RAD51AP2: variants seen among roughly 807,000 people sequenced by gnomAD.
The protein encoded by RAD51AP2 is RAD51-associated protein 2.
A neutral mutation model predicts 85.5 loss-of-function variants in RAD51AP2; 67 were observed. That is an observed-to-expected ratio of 0.78 (90% CI 0.64 to 0.96). RAD51AP2 has a LOEUF of 0.96. Ranked by LOEUF, RAD51AP2 falls within the 40% of genes least tolerant of loss-of-function variation. RAD51AP2 has a pLI of 0.00. For synonymous variants in RAD51AP2, 474 were observed against 446.5 expected, an observed-to-expected ratio of 1.06 and a Z score of -0.78; for missense variants, 1,307 against 1,332.4, an observed-to-expected ratio of 0.98 and a Z score of 0.30.
At chr2:17,528,024 T>C in the RAD51AP2 span, among the ~76,000 whole-genome samples, 1 of 152,234 alleles carries the variant, frequency 6.6e-6, no homozygotes, top group Admixed American at 6.5e-5. Flanking sequence ...TTATACTCTG[T>C]TCTACTTATA....
At chr2:17,511,354 T>C (rs916767698) in intron 2 of RAD51AP2, among the ~76,000 whole-genome samples, 43 of 152,192 alleles carry the variant, frequency 2.8e-4, no homozygotes, top group Non-Finnish European at 6.0e-4. Context: ...GTTTGGTTTC[T>C]AATGGAGGTT....
chr2:17,516,438 CA>C lies in RAD51AP2; in HGVS notation c.1977del (p.Phe659LeufsTer14). On this transcript the variant is annotated frameshift_variant, in exon 1 of 3. Transcript: ENST00000399080. LOFTEE classifies it high-confidence loss of function. The stretch of plus-strand genomic sequence containing the variant: ...TTAATGAGTTTTTTCTTAGACTTTT[CA>C]AAAACTTGTTCAGTTCTAAATAACT... ...KRKLFRTEQV[F>X]EKSKKKLINS... is the part of the protein sequence containing the mutation. 6.3e-7 allele frequency: 1 copy of C among 1,585,460 alleles called. No homozygotes were observed. The highest frequency in any genetic ancestry group is 8.6e-7 in the Non-Finnish European group (1 of 1,166,224).
At chr2:17,532,831 T>G in the RAD51AP2 span, among the ~76,000 whole-genome samples, 1 of 152,252 alleles carries the variant, frequency 6.6e-6, no homozygotes, top group Non-Finnish European at 1.5e-5. Context: ...TTAGCCAGCA[T>G]GCATATATTT....
the RAD51AP2 span, among the ~76,000 whole-genome samples, chr2:17,529,839 A>G: frequency 1.3e-5 from 2 of 152,330 alleles, no homozygotes; most frequent in South Asian, 4.1e-4. Context: ...CTTCCTGTGG[A>G]ATTCCATTGT....
chr2:17,511,019 T>G, intron 2 of RAD51AP2, 64 bp from the exon 3 acceptor site: 1 of 1,160,742 alleles, frequency 8.6e-7, no homozygotes, highest in Non-Finnish European at 1.2e-6. Flanking sequence ...AATCTTTACT[T>G]CTAATCATGA....
At chr2:17,521,798 G>C (rs1010270255), upstream of RAD51AP2, among the ~76,000 whole-genome samples, 3 of 151,902 alleles carry the variant, frequency 2.0e-5, no homozygotes, top group Non-Finnish European at 4.4e-5. Context: ...TGTCCTCAAT[G>C]TTCATTAATG....
At position 17,515,906 on chromosome 2, in the gene RAD51AP2, A is replaced by C. The variant is rs919411835; in HGVS notation, c.2510T>G (p.Val837Gly). Residue 837 changes from valine (V) to glycine (G), a missense_variant, in exon 1 of 3, where the codon GTA (valine) becomes GGA (glycine). Coordinates refer to ENST00000399080, the MANE Select transcript of RAD51AP2 (RefSeq NM_001099218.3). ...TGTTAAACTTTCAGCTGTGACTTTT[A>C]CTTCCTCTTTCAAAATTAAGTCATA... is the stretch of plus-strand genomic sequence containing the variant. ...KKYDLILKEEVKVTAESLTNS... is the reference protein window; with the variant it reads ...KKYDLILKEEGKVTAESLTNS... 6.2e-7 allele frequency: 1 copy of C among 1,603,898 alleles called. No homozygotes were observed. Among genetic ancestry groups the C allele is most frequent in the Admixed American group, 1.7e-5 (1 of 57,600 alleles).
At chr2:17,513,588 T>C (rs534675679) in intron 2 of RAD51AP2, among the ~76,000 whole-genome samples, 3 of 152,162 alleles carry the variant, frequency 2.0e-5, no homozygotes, top group African/African-American at 7.2e-5. Flanking sequence ...AAAAATCATG[T>C]TGACATGACT....
At chr2:17,522,911 A>G (rs1251459438), upstream of RAD51AP2, among the ~76,000 whole-genome samples, 3 of 152,010 alleles carry the variant, frequency 2.0e-5, no homozygotes, top group African/African-American at 7.2e-5. Context: ...ATATATTGAC[A>G]TTAAATAAAA....
the RAD51AP2 span, among the ~76,000 whole-genome samples, chr2:17,523,480 T>A: frequency 4.8e-3 from 733 of 152,036 alleles, 6 homozygotes; most frequent in African/African-American, 0.017. Flanking sequence ...CATCAAACTC[T>A]GTCTTATGTT....
Position 17,516,549 on chromosome 2 carries a change from C to A in RAD51AP2, c.1867G>T (p.Glu623Ter). The change falls in exon 1 of 3, where the codon GAA (glutamate) becomes TAA (stop). Residue 623 changes from glutamate to a stop codon, truncating the protein, a stop_gained. Transcript: ENST00000399080. LOFTEE classifies it high-confidence loss of function. ...TTTACTAGATATGCAGTATGATTTTCCACTATATTTTTTGGATACTTCAAA... is the reference window on the plus strand; with the variant it reads ...TTTACTAGATATGCAGTATGATTTTACACTATATTTTTTGGATACTTCAAA... Reference protein sequence around the residue: ...LYLKYPKNIVENHTAYLVKIL... With the variant: ...LYLKYPKNIV The A allele has an allele frequency of 6.4e-7, 1 of 1,571,222 alleles. No individual in the cohort carries two copies. The highest frequency in any genetic ancestry group is 1.2e-5 in the South Asian group (1 of 86,288).
Position 17,515,652 on chromosome 2 carries a change from C to A in RAD51AP2, c.2764G>T (p.Asp922Tyr), listed in dbSNP as rs1662635782. 3.7e-6 allele frequency: 6 copies of A among 1,612,644 alleles called. No individual in the cohort carries two copies. In the South Asian group the frequency reaches 6.6e-5, roughly 18 times the overall value. ...TGATGATTAATATATAATGCAGAGTCATTCTTTCTGTGAAAATCCTTTGAA... is the reference window on the plus strand; with the variant it reads ...TGATGATTAATATATAATGCAGAGTAATTCTTTCTGTGAAAATCCTTTGAA... ...ANSKDFHRKN[D>Y]SALYINHQFE... Residue 922 changes from aspartate (D) to tyrosine (Y), a missense_variant, in exon 1 of 3, where the codon GAC (aspartate) becomes TAC (tyrosine). Physicochemically the swap from Asp to Tyr is radical, Grantham distance 160 (BLOSUM62 -3). Transcript: ENST00000399080.
At chr2:17,534,722 C>T in the RAD51AP2 span, among the ~76,000 whole-genome samples, 10 of 152,244 alleles carry the variant, frequency 6.6e-5, no homozygotes, top group South Asian at 1.9e-3. Flanking sequence ...TAGTTCTACA[C>T]TTGTAATTTA....
At position 17,510,727 on chromosome 2, in the gene RAD51AP2, C is replaced by A. The variant is rs1338839605; in HGVS notation, c.*77G>T. 4.9e-6 allele frequency: 5 copies of A among 1,015,880 alleles called. No homozygotes were observed. The highest frequency in any genetic ancestry group is 2.4e-4 in the Middle Eastern group (1 of 4,196). The allele number at this position is 1,015,880 out of a possible 1,614,324, so 62.9% of individuals were successfully genotyped here. On this transcript the variant is annotated 3_prime_UTR_variant, in exon 3 of 3. Transcript: ENST00000399080. ...ACTTTATAATAAAGCAAGCCCCAAACCCCCAAGCTGGAAGAACATATATCC... is the reference window on the plus strand; with the variant it reads ...ACTTTATAATAAAGCAAGCCCCAAAACCCCAAGCTGGAAGAACATATATCC...
At chr2:17,520,804 T>C (rs556271568), upstream of RAD51AP2, among the ~76,000 whole-genome samples, 149 of 151,920 alleles carry the variant, frequency 9.8e-4, 1 homozygote, top group Non-Finnish European at 5.3e-4. Context: ...CACCAGAATG[T>C]TTATTTTCTT....
At position 17,518,359 on chromosome 2, in the gene RAD51AP2, A is replaced by G. The variant is rs900053420; in HGVS notation, c.57T>C (p.Ser19=). 3.7e-6 allele frequency: 6 copies of G among 1,614,004 alleles called. No individual in the cohort carries two copies. Among genetic ancestry groups the G allele is most frequent in the South Asian group, 1.1e-5 (1 of 91,068 alleles). Residue 19 remains serine (S), a synonymous_variant, in exon 1 of 3, where the codon TCT becomes TCC. Transcript: ENST00000399080. The stretch of plus-strand genomic sequence containing the variant: ...AATCCGGGTCCTCAGGAGGCGTTAA[A>G]GAGGAGGTAGGCTTTCTGAGCTCGG... The part of the protein sequence containing the change: ...RMAELRKPTS[S]LTPPEDPDSQ...
Position 17,517,365 on chromosome 2 carries a change from A to G in RAD51AP2, c.1051T>C (p.Cys351Arg). 2 of 1,613,844 alleles carry G rather than the reference A, an allele frequency of 1.2e-6. No homozygotes were observed. Among genetic ancestry groups the G allele is most frequent in the Non-Finnish European group, 1.7e-6 (2 of 1,179,926 alleles). ...KRKDLISSNY[C>R]NCSSIQCNVR... ...TTACACTGGATACTACTGCAGTTAC[A>G]GTAGTTTGAACTGATCAAGTCTTTT... The change falls in exon 1 of 3, where the codon TGT (cysteine) becomes CGT (arginine). Residue 351 changes from cysteine (C) to arginine (R), a missense_variant. Physicochemically the swap from Cys to Arg is radical, Grantham distance 180. Coordinates refer to ENST00000399080, the MANE Select transcript of RAD51AP2 (RefSeq NM_001099218.3).
Position 17,516,116 on chromosome 2 carries a change from C to A in RAD51AP2, c.2300G>T (p.Arg767Ile). Residue 767 changes from arginine to isoleucine, a missense_variant, in exon 1 of 3, where the codon AGA (arginine) becomes ATA (isoleucine). This residue lies in a region of RAD51AP2 where 668 missense variants were observed against 671.0 expected (regional missense o/e 1.00). Coordinates refer to ENST00000399080, the MANE Select transcript of RAD51AP2 (RefSeq NM_001099218.3). ...ACTGATCTTATTATGTCCCTGTTTT[C>A]TTTCCATATTTAAATCTTGGCTGTG... ...NMHSQDLNME[R>I]KQGHNKISNF... is the part of the protein sequence containing the mutation. 6.2e-7 allele frequency: 1 copy of A among 1,612,214 alleles called. No homozygotes were observed.
rs867404836 is a variant in RAD51AP2 at position 17,515,322 on chromosome 2, G to A, written c.3094C>T (p.His1032Tyr). ...VNKIRASSSF[H>Y]DTIAGPNMGK... ...ATATTAGGACCTGCTATAGTATCAT[G>A]GAACGAGGAAGATGCACGTATTTTG... The change falls in exon 1 of 3, where the codon CAT becomes TAT. Residue 1032 changes from histidine (H) to tyrosine (Y), a missense_variant. By Grantham distance (83) the His-to-Tyr change is moderately conservative (BLOSUM62 2). Around this residue, in one of 3 missense-constraint regions of RAD51AP2, gnomAD observed 668 missense variants for 671.0 expected, o/e 1.00. Coordinates refer to ENST00000399080, the MANE Select transcript of RAD51AP2 (RefSeq NM_001099218.3). The A allele has an allele frequency of 6.2e-7, 1 of 1,612,756 alleles. No homozygotes were observed. Among genetic ancestry groups the A allele is most frequent in the Non-Finnish European group, 8.5e-7 (1 of 1,179,654 alleles).
Sources: gnomAD v4.1 joint callset for allele counts (sites outside exome capture counted in the v4.1 genomes callset) on GRCh38, gnomAD v4.1.1 for gene constraint, gnomAD v4.1.1 regional missense constraint, MANE v1.5 for transcripts, NCBI Gene and HGNC (gene_info 2026-07-23, HGNC 2026-07-21) for gene names.